CACNA2D3: variants seen among roughly 807,000 people sequenced by gnomAD.
CACNA2D3 encodes voltage-dependent calcium channel subunit alpha-2/delta-3.
In CACNA2D3, 60 loss-of-function variants were observed where a neutral mutation model predicts 160.6. The ratio of observed to expected loss-of-function variants is 0.37; its 90% CI spans 0.30 to 0.46. The LOEUF (loss-of-function observed/expected upper bound fraction) is 0.46, where lower values mean the gene tolerates loss of function less well. Ranked by LOEUF, CACNA2D3 falls within the 20% of genes least tolerant of loss-of-function variation. The pLI is 1.00. For missense variants in CACNA2D3, 1,205 were observed against 1,365.0 expected (o/e 0.88, Z 1.85); for synonymous variants, 558 against 492.9 (o/e 1.13, Z -1.75).
chr3:54,136,324 CCTT>C (rs1222916343), intron 2 of CACNA2D3, among the ~76,000 whole-genome samples: 1 of 152,224 alleles, frequency 6.6e-6, no homozygotes, highest in Non-Finnish European at 1.5e-5. Context: ...AAGCCTCCAA[CCTT>C]CTCCTTTTCC....
At chr3:54,553,133 A>G (rs1233135124) in intron 5 of CACNA2D3, among the ~76,000 whole-genome samples, 2 of 152,160 alleles carry the variant, frequency 1.3e-5, no homozygotes, top group Admixed American at 1.3e-4. Context: ...AGCAACCTGC[A>G]TTTCATGTCT....
At chr3:54,653,513 G>A (rs1196550055) in intron 11 of CACNA2D3, among the ~76,000 whole-genome samples, 5 of 152,224 alleles carry the variant, frequency 3.3e-5, no homozygotes, top group African/African-American at 1.2e-4. Flanking sequence ...TCAGTCAACA[G>A]CATGACAGGA....
intron 4 of CACNA2D3, among the ~76,000 whole-genome samples, chr3:54,392,155 A>G (rs9830682): frequency 0.24 from 36,476 of 152,088 alleles, 4,487 homozygotes; most frequent in Middle Eastern, 0.32. Flanking sequence ...ACCCAATTCC[A>G]GGTGGAGAAG....
At chr3:54,871,131 T>G (rs892806641) in intron 17 of CACNA2D3, among the ~76,000 whole-genome samples, 4 of 147,670 alleles carry the variant, frequency 2.7e-5, no homozygotes, top group Non-Finnish European at 5.9e-5. Flanking sequence ...CTAACTAGTC[T>G]GCTATGATTT....
At chr3:54,576,942 CAGA>C (rs1411859814) in intron 8 of CACNA2D3, among the ~76,000 whole-genome samples, 1 of 152,036 alleles carries the variant, frequency 6.6e-6, no homozygotes. Context: ...GAAGCTGAGT[CAGA>C]AGGACTGCTT....
intron 2 of CACNA2D3, among the ~76,000 whole-genome samples, chr3:54,136,898 C>G (rs945736284): frequency 1.3e-5 from 2 of 152,212 alleles, no homozygotes; most frequent in Non-Finnish European, 2.9e-5. Context: ...GGTCCGTGGA[C>G]CACGCTTTGA....
At chr3:54,275,481 T>A (rs928665555) in intron 2 of CACNA2D3, among the ~76,000 whole-genome samples, 27 of 152,138 alleles carry the variant, frequency 1.8e-4, no homozygotes, top group African/African-American at 2.4e-5. Flanking sequence ...AAACCCAGAT[T>A]TGTGATATAA....
At chr3:54,262,350 C>T (rs1328639363) in intron 2 of CACNA2D3, among the ~76,000 whole-genome samples, 1 of 152,034 alleles carries the variant, frequency 6.6e-6, no homozygotes, top group Non-Finnish European at 1.5e-5. Context: ...AGAGAGTTCC[C>T]CGAAGTGGGG....
intron 9 of CACNA2D3, among the ~76,000 whole-genome samples, chr3:54,599,545 A>G (rs988802932): frequency 3.9e-5 from 6 of 152,110 alleles, no homozygotes; most frequent in South Asian, 2.1e-4. Flanking sequence ...TTGAGCATAC[A>G]TGAGTTTCTG....
intron 2 of CACNA2D3, among the ~76,000 whole-genome samples, chr3:54,204,612 T>A (rs181886801): frequency 2.6e-5 from 4 of 151,940 alleles, no homozygotes; most frequent in East Asian, 3.9e-4. Context: ...CTGGCTAACA[T>A]GGTGAAACCC....
chr3:54,149,267 GCACACACACA>G (rs3060363), intron 2 of CACNA2D3, among the ~76,000 whole-genome samples: 54 of 144,436 alleles, frequency 3.7e-4, no homozygotes, highest in African/African-American at 1.3e-3. Context: ...GGTCCCATGT[GCACACACACA>G]CACACACACA....
chr3:54,695,668 C>T (rs1700651308), intron 11 of CACNA2D3, among the ~76,000 whole-genome samples: 1 of 152,168 alleles, frequency 6.6e-6, no homozygotes, highest in Non-Finnish European at 1.5e-5. Flanking sequence ...TCTTAATTTG[C>T]AATTCTTTCA....
chr3:54,796,444 T>G (rs924641893), intron 13 of CACNA2D3, among the ~76,000 whole-genome samples: 1 of 152,204 alleles, frequency 6.6e-6, no homozygotes, highest in East Asian at 1.9e-4. Context: ...AGTGCTTATG[T>G]GCACAAAGAG....
intron 2 of CACNA2D3, among the ~76,000 whole-genome samples, chr3:54,163,589 G>A (rs1700391660): frequency 1.3e-5 from 2 of 152,190 alleles, no homozygotes; most frequent in South Asian, 2.1e-4. Flanking sequence ...CGGAGTGGGG[G>A]TGATTAATTC....
Position 54,885,533 on chromosome 3 carries a change from C to G in CACNA2D3, c.2003C>G (p.Ser668Cys), listed in dbSNP as rs1298385761. The part of the protein sequence containing the change: ...TDLHPEHRHL[S>C]QLEAIKLYLK... ...CTACACCCTGAGCACCGCCATCTGT[C>G]TCAGTTAGAAGCGATTAAGCTCTAC... Residue 668 changes from serine to cysteine, a missense_variant, in exon 23 of 38, where the codon TCT (serine) becomes TGT (cysteine). Transcript: ENST00000474759. 6.2e-7 allele frequency: 1 copy of G among 1,613,672 alleles called. No individual in the cohort carries two copies. The highest frequency in any genetic ancestry group is 2.2e-5 in the East Asian group (1 of 44,876).
At chr3:54,491,604 G>A (rs934005650) in intron 4 of CACNA2D3, among the ~76,000 whole-genome samples, 1 of 152,162 alleles carries the variant, frequency 6.6e-6, no homozygotes, top group African/African-American at 2.4e-5. Flanking sequence ...CTGAAAAGAG[G>A]GAACCAGAGC....
rs115038469 is a variant in CACNA2D3, at chr3:54,667,546, G to T, written c.1167+25305G>T. On this transcript the variant is annotated intron_variant, in intron 11 of 37. Coordinates refer to ENST00000474759, the MANE Select transcript of CACNA2D3 (RefSeq NM_018398.3). ...GCCAGGGTATTGAACCTTGAAAACTGATGCATTGCCTGTCATCACACAGAC... is the reference window on the plus strand; with the variant it reads ...GCCAGGGTATTGAACCTTGAAAACTTATGCATTGCCTGTCATCACACAGAC... Among the ~76,000 whole-genome samples the T allele has an allele frequency of 5.6e-3, 846 of 152,250 alleles. 11 individuals carry two copies. The highest frequency in any genetic ancestry group is 0.019 in the African/African-American group (810 of 41,540).
intron 11 of CACNA2D3, among the ~76,000 whole-genome samples, chr3:54,665,845 A>G (rs945983972): frequency 4.0e-5 from 6 of 148,198 alleles, no homozygotes; most frequent in Non-Finnish European, 7.4e-5. Context: ...TCCGCCACCC[A>G]GGCTGGATTT....
At chr3:54,380,733 C>CAAAAAAACA (rs1435966102) in intron 3 of CACNA2D3, among the ~76,000 whole-genome samples, 6 of 151,430 alleles carry the variant, frequency 4.0e-5, no homozygotes, top group Admixed American at 3.3e-4. Flanking sequence ...AAACAAAAAA[C>CAAAAAAACA]AAAAAAACAA....
Sources: gnomAD v4.1 joint callset for allele counts (sites outside exome capture counted in the v4.1 genomes callset) on GRCh38, gnomAD v4.1.1 for gene constraint, MANE v1.5 for transcripts, NCBI Gene and HGNC (gene_info 2026-07-23, HGNC 2026-07-21) for gene names.